Variants in SCN11A observed in about 807,000 individuals in gnomAD.
SCN11A encodes the protein sodium channel protein type 11 subunit alpha.
A neutral mutation model predicts 162.2 loss-of-function variants in SCN11A; 122 were observed. The observed-to-expected ratio is 0.75, with a 90% CI of 0.65 to 0.87. SCN11A has a LOEUF of 0.87. SCN11A is among the 40% of genes least tolerant of loss of function. The probability of loss-of-function intolerance (pLI) is 0.00; values close to 1 mark genes in which losing one functional copy is unlikely to be tolerated. For missense variants in SCN11A, 2,015 were observed against 2,181.6 expected (o/e 0.92, Z 1.52); for synonymous variants, 758 against 751.5 (o/e 1.01, Z -0.14).
chr3:38,894,728 G>T lies in SCN11A; in HGVS notation c.2640C>A (p.Ile880=). The T allele has an allele frequency of 6.2e-7, 1 of 1,614,170 alleles. No individual in the cohort carries two copies. Among genetic ancestry groups the T allele is most frequent in the East Asian group, 2.2e-5 (1 of 44,890 alleles). ...AGGCAAQSKD[I]IPLVMEMKRG... ...TTTTCATCTCCATGACCAGGGGAAT[G>T]ATGTCTTTGCTTTGTGCAGCACAGC... is the stretch of plus-strand genomic sequence containing the variant. The change falls in exon 19 of 30, where the codon ATC becomes ATA. Residue 880 remains isoleucine (I), a synonymous_variant. Transcript: ENST00000302328.
chr3:39,004,821 T>C (rs989583916), intron 2 of SCN11A, among the ~76,000 whole-genome samples: 2 of 152,214 alleles, frequency 1.3e-5, no homozygotes, highest in Non-Finnish European at 2.9e-5. Context: ...TCTTCATACA[T>C]ATAATTCTAT....
intron 4 of SCN11A, 86 bp from the exon 5 acceptor site, chr3:38,950,455 G>T: frequency 1.4e-6 from 2 of 1,385,308 alleles, no homozygotes; most frequent in Non-Finnish European, 2.0e-6. Flanking sequence ...CAGTCTTAAA[G>T]GATGGTGTCA....
At chr3:39,039,030 C>T (rs1376577223) in intron 1 of SCN11A, among the ~76,000 whole-genome samples, 1 of 152,162 alleles carries the variant, frequency 6.6e-6, no homozygotes, top group Non-Finnish European at 1.5e-5. Flanking sequence ...ACCAGCAGAA[C>T]TATTTTTTTT....
At chr3:38,881,709 T>C (rs368011432) in intron 22 of SCN11A, among the ~76,000 whole-genome samples, 3 of 144,170 alleles carry the variant, frequency 2.1e-5, no homozygotes, top group Non-Finnish European at 3.1e-5. Context: ...TAGACACATA[T>C]AGTGGCAAAC....
chr3:38,996,539 T>C (rs893502231), intron 2 of SCN11A, among the ~76,000 whole-genome samples: 5 of 152,186 alleles, frequency 3.3e-5, no homozygotes, highest in Non-Finnish European at 7.3e-5. Context: ...CTTGGCAGTG[T>C]TGTCTTTTAT....
At chr3:38,882,135 C>A (rs1242355945) in intron 22 of SCN11A, among the ~76,000 whole-genome samples, 1 of 152,150 alleles carries the variant, frequency 6.6e-6, no homozygotes, top group Non-Finnish European at 1.5e-5. Context: ...TTAGAGAAAT[C>A]TGCTTTTCTA....
rs1023162613 is a variant in SCN11A, at chr3:38,897,182, G to C, written c.2066C>G (p.Thr689Arg). The stretch of plus-strand genomic sequence containing the variant: ...AGAGTTGCCGATTATCTTAATTAGT[G>C]TGTTCAAAGTTGGCCAGGATTTGGC... ...KLAKSWPTLNTLIKIIGNSVG... is the reference protein window; with the variant it reads ...KLAKSWPTLNRLIKIIGNSVG... The change falls in exon 18 of 30, where the codon ACA (threonine) becomes AGA (arginine). Residue 689 changes from threonine to arginine, a missense_variant. Coordinates refer to ENST00000302328, the MANE Select transcript of SCN11A (RefSeq NM_001349253.2). 3.7e-6 allele frequency: 6 copies of C among 1,613,108 alleles called. No individual in the cohort carries two copies. The African/African-American group carries it at 6.7e-5, about 18-fold the overall frequency.
Position 39,042,337 on chromosome 3 carries a change from C to T in SCN11A, c.-404+9524G>A, listed in dbSNP as rs1021662722. On this transcript the variant is annotated intron_variant, in intron 1 of 29. Transcript: ENST00000302328. ...AACTCACTTCACTTGTAAAGACACA[C>T]ATAGACTGAAAGTGAAAAAATATAA... Among the ~76,000 whole-genome samples the T allele has an allele frequency of 2.6e-5, 4 of 152,260 alleles. No homozygotes were observed. The South Asian group carries it at 8.3e-4, about 32-fold the overall frequency.
chr3:39,021,080 A>C (rs1343292759), intron 2 of SCN11A, among the ~76,000 whole-genome samples: 1 of 152,112 alleles, frequency 6.6e-6, no homozygotes, highest in African/African-American at 2.4e-5. Context: ...AATTTTAATA[A>C]GTTTATTTGA....
chr3:38,924,492 G>A (rs1470007088), intron 9 of SCN11A, among the ~76,000 whole-genome samples: 5 of 151,956 alleles, frequency 3.3e-5, no homozygotes, highest in Non-Finnish European at 5.9e-5. Context: ...TCCCACCTCA[G>A]CCTCCTGAGT....
intron 11 of SCN11A, among the ~76,000 whole-genome samples, chr3:38,915,203 G>A (rs766959004): frequency 2.6e-5 from 4 of 152,090 alleles, no homozygotes; most frequent in Admixed American, 6.6e-5. Context: ...AGTCTTGGCA[G>A]GGTGTTTGTG....
intron 2 of SCN11A, among the ~76,000 whole-genome samples, chr3:39,022,200 A>G (rs2031468049): frequency 6.6e-6 from 1 of 152,164 alleles, no homozygotes; most frequent in African/African-American, 2.4e-5. Flanking sequence ...TGACATTGCT[A>G]TGTTTTGTCC....
intron 1 of SCN11A, among the ~76,000 whole-genome samples, chr3:39,047,643 A>T (rs2032215828): frequency 6.6e-6 from 1 of 152,174 alleles, no homozygotes; most frequent in African/African-American, 2.4e-5. Flanking sequence ...CAAGGAATTA[A>T]TATCCAGGAA....
chr3:38,849,257 C>CCTTT (rs1389887858), intron 29 of SCN11A: 4 of 69,858 alleles, frequency 5.7e-5, no homozygotes, highest in African/African-American at 2.6e-4. Flanking sequence ...TTTTCTAGCC[C>CCTTT]TTTTTTTTTT....
At chr3:38,914,758 C>T (rs1400641409) in intron 11 of SCN11A, among the ~76,000 whole-genome samples, 1 of 151,976 alleles carries the variant, frequency 6.6e-6, no homozygotes, top group Non-Finnish European at 1.5e-5. Flanking sequence ...TGTTTTTTTA[C>T]TTTAGTTCTG....
chr3:38,874,738 T>C (rs1193055430), intron 23 of SCN11A, among the ~76,000 whole-genome samples: 1 of 114,416 alleles, frequency 8.7e-6, no homozygotes, highest in Non-Finnish European at 1.9e-5. Flanking sequence ...ATTCTTACTC[T>C]GGGTTGTTTT....
intron 7 of SCN11A, among the ~76,000 whole-genome samples, chr3:38,939,511 A>C (rs1348013991): frequency 3.3e-5 from 5 of 152,206 alleles, no homozygotes; most frequent in Non-Finnish European, 5.9e-5. Flanking sequence ...CATTTCACTA[A>C]TTCCTTATAT....
chr3:38,869,113 C>T (rs1380127330), intron 26 of SCN11A, among the ~76,000 whole-genome samples: 1 of 152,178 alleles, frequency 6.6e-6, no homozygotes, highest in Non-Finnish European at 1.5e-5. Context: ...AGTCATCAAG[C>T]TAGAAGCCAG....
chr3:38,870,698 GAA>G lies in SCN11A; in HGVS notation c.3804_3805del (p.Ser1269HisfsTer10). On this transcript the variant is annotated frameshift_variant, in exon 26 of 30. Coordinates refer to ENST00000302328, the MANE Select transcript of SCN11A (RefSeq NM_001349253.2). LOFTEE classifies it high-confidence loss of function. Reference sequence around the variant, plus strand: ...GGTAGAACACTGACTCACCTCTGTGGAATCAACAGCTGCATATATAATATCCA... The same window carrying G: ...GGTAGAACACTGACTCACCTCTGTGGTCAACAGCTGCATATATAATATCCA... The G allele has an allele frequency of 6.2e-7, 1 of 1,613,328 alleles. No individual in the cohort carries two copies. The highest frequency in any genetic ancestry group is 1.1e-5 in the South Asian group (1 of 91,032).
Sources: allele counts gnomAD v4.1 joint callset (sites outside exome capture counted in the v4.1 genomes callset), GRCh38; gene constraint gnomAD v4.1.1; transcripts MANE v1.5; gene names NCBI Gene and HGNC (gene_info 2026-07-23, HGNC 2026-07-21).